Variants in ETFDH observed in about 807,000 individuals in gnomAD.
ETFDH encodes the protein electron transfer flavoprotein-ubiquinone oxidoreductase, mitochondrial.
Under a neutral mutation model 73.2 loss-of-function variants are expected in ETFDH, and 61 were observed. The ratio of observed to expected loss-of-function variants is 0.83; its 90% CI spans 0.68 to 1.03. ETFDH has a LOEUF of 1.03. Ranked by LOEUF, ETFDH falls within the 50% of genes least tolerant of loss-of-function variation. The pLI, the probability that ETFDH is intolerant of heterozygous loss-of-function variation, is 0.00. For missense variants in ETFDH, 685 were observed against 745.0 expected (o/e 0.92, Z 0.94); for synonymous variants, 243 against 253.3 (o/e 0.96, Z 0.39).
chr4:158,683,680 A>G (rs1054358202), intron 3 of ETFDH, among the ~76,000 whole-genome samples: 2 of 152,208 alleles, frequency 1.3e-5, no homozygotes, highest in African/African-American at 4.8e-5. Flanking sequence ...CCGGGGCTCA[A>G]GTAATCCTCC....
chr4:158,696,183 A>C (rs1774303887), intron 7 of ETFDH, among the ~76,000 whole-genome samples: 1 of 152,214 alleles, frequency 6.6e-6, no homozygotes, highest in South Asian at 2.1e-4. Flanking sequence ...ATGTAAATGT[A>C]AAATTTTCAT....
At chr4:158,696,318 C>A (rs1392205143) in intron 7 of ETFDH, among the ~76,000 whole-genome samples, 1 of 152,068 alleles carries the variant, frequency 6.6e-6, no homozygotes, top group Non-Finnish European at 1.5e-5. Context: ...CCTGCCTGGG[C>A]AATGTAGTGA....
chr4:158,690,413 T>C lies in ETFDH; in HGVS notation c.672T>C (p.Asp224=), dbSNP rs1257787427. 4.4e-6 allele frequency: 7 copies of C among 1,581,642 alleles called. No individual in the cohort carries two copies. The highest frequency in any genetic ancestry group is 6.1e-6 in the Non-Finnish European group (7 of 1,150,332). Residue 224 remains aspartate (D), a synonymous_variant, in exon 6 of 13, where the codon GAT becomes GAC. Coordinates refer to ENST00000511912, the MANE Select transcript of ETFDH (RefSeq NM_004453.4). ...CTAACGATGTAGGGATACAAAAGGA[T>C]GGTGCACCAAAGGTAAACCTTTTTA... is the stretch of plus-strand genomic sequence containing the variant. ...IATNDVGIQK[D]GAPKATFERG...
intron 5 of ETFDH, among the ~76,000 whole-genome samples, chr4:158,685,721 T>C (rs549307640): frequency 2.0e-5 from 3 of 152,206 alleles, no homozygotes; most frequent in East Asian, 1.9e-4. Context: ...AGAAGAAGCA[T>C]AGAGATTTAT....
At chr4:158,683,996 C>G (rs1773934210) in intron 3 of ETFDH, among the ~76,000 whole-genome samples, 1 of 152,176 alleles carries the variant, frequency 6.6e-6, no homozygotes, top group Admixed American at 6.5e-5. Flanking sequence ...CTTGGCTAAC[C>G]TCTCCACAGA....
At chr4:158,699,902 T>A (rs901497118) in intron 9 of ETFDH, among the ~76,000 whole-genome samples, 3 of 152,218 alleles carry the variant, frequency 2.0e-5, no homozygotes, top group Non-Finnish European at 2.9e-5. Context: ...TCATAAAAGC[T>A]GTTAATACTG....
chr4:158,708,888 T>C lies in ETFDH; in HGVS notation c.*361T>C, dbSNP rs1774717053. The C allele has an allele frequency of 4.1e-6, 1 of 245,554 alleles. No homozygotes were observed. The highest frequency in any genetic ancestry group is 5.2e-5 in the Admixed American group (1 of 19,202). The allele number at this position is 245,554 out of a possible 1,614,324, so 15.2% of individuals were successfully genotyped here. On this transcript the variant is annotated 3_prime_UTR_variant, in exon 13 of 13. Transcript: ENST00000511912. ...TTGAAACACAGCCATACCCATTGGT[T>C]ACACATTGTCTATGGCTAATTTTGA...
chr4:158,674,551 T>C (rs527817541), intron 1 of ETFDH, among the ~76,000 whole-genome samples: 1 of 152,314 alleles, frequency 6.6e-6, no homozygotes, highest in South Asian at 2.1e-4. Flanking sequence ...TCCTCCTACC[T>C]CAGCCTCCCA....
chr4:158,684,553 ATAAAC>A, intron 3 of ETFDH, 34 bp from the exon 4 acceptor site: 1 of 1,184,416 alleles, frequency 8.4e-7, no homozygotes, highest in Non-Finnish European at 1.3e-6. Flanking sequence ...ACTTGCAAAT[ATAAAC>A]TAAAAACATT....
At chr4:158,688,621 C>T (rs558302053) in intron 5 of ETFDH, among the ~76,000 whole-genome samples, 10 of 151,962 alleles carry the variant, frequency 6.6e-5, no homozygotes, top group East Asian at 3.9e-4. Flanking sequence ...TGCAGTAAGT[C>T]GAGATCACGC....
intron 12 of ETFDH, 139 bp downstream of exon 12, chr4:158,706,989 CAT>C (rs1774641278): frequency 1.7e-6 from 1 of 593,166 alleles, no homozygotes; most frequent in South Asian, 1.9e-5. Flanking sequence ...CTTTAGGAAA[CAT>C]ACTTTTAACT....
chr4:158,708,571 A>G lies in ETFDH; in HGVS notation c.*44A>G. Reference sequence around the variant, plus strand: ...CTTTCAAGTATGGCAAGCTAACGTTAAAATGTTTAGAGATTAACAGATTTC... The same window carrying G: ...CTTTCAAGTATGGCAAGCTAACGTTGAAATGTTTAGAGATTAACAGATTTC... On this transcript the variant is annotated 3_prime_UTR_variant, in exon 13 of 13. Coordinates refer to ENST00000511912, the MANE Select transcript of ETFDH (RefSeq NM_004453.4). 6.6e-7 allele frequency: 1 copy of G among 1,513,020 alleles called. No individual in the cohort carries two copies. Among genetic ancestry groups the G allele is most frequent in the Non-Finnish European group, 9.2e-7 (1 of 1,087,894 alleles). The allele number at this position is 1,513,020 out of a possible 1,614,324, so 93.7% of individuals were successfully genotyped here. A position where few individuals can be genotyped will look rare whatever the true frequency, so the allele number is the denominator to read the frequency against.
Position 158,697,623 on chromosome 4 carries a change from T to C in ETFDH, c.896T>C (p.Leu299Ser). 1 of 1,613,498 alleles carries C rather than the reference T, an allele frequency of 6.2e-7. No homozygotes were observed. The highest frequency in any genetic ancestry group is 8.5e-7 in the Non-Finnish European group (1 of 1,179,474). Residue 299 changes from leucine to serine, a missense_variant, in exon 8 of 13, where the codon TTG becomes TCG. Transcript: ENST00000511912. ...GRVDHTVGWP[L>S]DRHTYGGSFL... ...GTAGATCACACTGTTGGTTGGCCCT[T>C]GGACAGACATACCTATGGAGGATCT...
intron 2 of ETFDH, chr4:158,681,973 C>A: frequency 5.3e-6 from 3 of 568,338 alleles, no homozygotes; most frequent in African/African-American, 3.8e-5. Flanking sequence ...ATCTCAAAGC[C>A]AAGAATTAGT....
chr4:158,693,487 C>T (rs998259849), intron 6 of ETFDH, among the ~76,000 whole-genome samples: 1 of 152,096 alleles, frequency 6.6e-6, no homozygotes, highest in African/African-American at 2.4e-5. Context: ...GGGCATGTTA[C>T]CTCTAAGAAG....
chr4:158,692,399 CAAAAAAAAAAAA>C (rs35615738), intron 6 of ETFDH, among the ~76,000 whole-genome samples: 4 of 91,456 alleles, frequency 4.4e-5, no homozygotes, highest in African/African-American at 1.8e-4. Flanking sequence ...GACACCGTCT[CAAAAAAAAAAAA>C]AAAAAAAAAA....
At chr4:158,705,135 G>A (rs534468835) in intron 10 of ETFDH, among the ~76,000 whole-genome samples, 4 of 152,188 alleles carry the variant, frequency 2.6e-5, no homozygotes, top group Non-Finnish European at 5.9e-5. Context: ...ACCAAAAGCC[G>A]TAAGGGAACC....
chr4:158,691,802 A>G (rs1185599420), intron 6 of ETFDH, among the ~76,000 whole-genome samples: 2 of 152,256 alleles, frequency 1.3e-5, no homozygotes, highest in Non-Finnish European at 2.9e-5. Context: ...TTTGGAAAAG[A>G]TAAGGAAAAA....
chr4:158,698,201 A>G (rs1469188431), intron 8 of ETFDH, among the ~76,000 whole-genome samples: 2 of 152,190 alleles, frequency 1.3e-5, no homozygotes, highest in Admixed American at 6.5e-5. Flanking sequence ...TTTGCAGTAA[A>G]TTACATGTTG....
Sources: allele counts gnomAD v4.1 joint callset (sites outside exome capture counted in the v4.1 genomes callset), GRCh38; gene constraint gnomAD v4.1.1; transcripts MANE v1.5; gene names NCBI Gene and HGNC (gene_info 2026-07-23, HGNC 2026-07-21).